The following RTF2 variants were observed in gnomAD, a reference collection of about 807,000 sequenced individuals.
The protein encoded by RTF2 is UPF0549 protein C20orf43.
RTF2 carries 18 observed loss-of-function variants against 38.0 expected under a neutral mutation model. That is an observed-to-expected ratio of 0.47 (90% CI 0.33 to 0.70). The LOEUF is 0.70. RTF2 is among the 30% of genes least tolerant of loss of function. The pLI is 0.02. For synonymous variants in RTF2, 126 were observed against 137.1 expected (o/e 0.92, Z 0.57); for missense variants, 311 against 379.6 (o/e 0.82, Z 1.50).
intron 5 of RTF2, among the ~76,000 whole-genome samples, chr20:56,502,954 A>G (rs553449599): frequency 1.1e-4 from 16 of 152,282 alleles, no homozygotes; most frequent in African/African-American, 3.1e-4. Context: ...GATGTGGTGT[A>G]TGGTAGTGTC....
chr20:56,506,754 G>A (rs1464011306), intron 5 of RTF2, among the ~76,000 whole-genome samples: 3 of 151,856 alleles, frequency 2.0e-5, no homozygotes, highest in Non-Finnish European at 4.4e-5. Context: ...AGGCTGGAGT[G>A]CAGTGGCACG....
intron 5 of RTF2, among the ~76,000 whole-genome samples, chr20:56,495,900 G>T (rs1224221982): frequency 6.6e-6 from 1 of 152,180 alleles, no homozygotes; most frequent in African/African-American, 2.4e-5. Flanking sequence ...CCCATCTGAA[G>T]TATCAGATTT....
At position 56,485,738 on chromosome 20, in the gene RTF2, G is replaced by A. The variant is rs142865698; in HGVS notation, c.477+1549G>A. Reference sequence around the variant, plus strand: ...GGAATTGGTTGATATTCAGCCAGAAGTATTTATTGTGGCTCCCGTATTAAG... The same window carrying A: ...GGAATTGGTTGATATTCAGCCAGAAATATTTATTGTGGCTCCCGTATTAAG... On this transcript the variant is annotated intron_variant, in intron 5 of 8. Coordinates refer to ENST00000357348, the MANE Select transcript of RTF2 (RefSeq NM_016407.5). 5.0e-3 allele frequency among the ~76,000 whole-genome samples: 761 copies of A among 152,334 alleles called. 4 individuals carry two copies. Among genetic ancestry groups the A allele is most frequent in the African/African-American group, 0.017 (724 of 41,566 alleles).
chr20:56,498,775 T>G (rs995200738), intron 5 of RTF2, among the ~76,000 whole-genome samples: 5 of 152,228 alleles, frequency 3.3e-5, no homozygotes, highest in African/African-American at 1.2e-4. Context: ...TGTTTATGAA[T>G]CTTGACTTGG....
At chr20:56,496,462 C>T (rs552067861) in intron 5 of RTF2, among the ~76,000 whole-genome samples, 2 of 152,276 alleles carry the variant, frequency 1.3e-5, no homozygotes, top group South Asian at 4.1e-4. Context: ...GTGGGAGAAT[C>T]GCGTGAACCC....
At chr20:56,516,678 G>T (rs1472594310) in intron 6 of RTF2, 15 of 524,834 alleles carry the variant, frequency 2.9e-5, no homozygotes, top group Non-Finnish European at 5.0e-5. Flanking sequence ...TGTGATTTGG[G>T]AGATGTAAAT....
intron 5 of RTF2, among the ~76,000 whole-genome samples, chr20:56,484,844 G>T (rs1455472557): frequency 2.0e-5 from 3 of 152,116 alleles, no homozygotes; most frequent in Admixed American, 1.3e-4. Flanking sequence ...CATCGAAAGC[G>T]TGCTGCTTCA....
In RTF2 at chr20:56,507,977, C is replaced by T. The variant is rs1259270886; in HGVS notation, c.478-5338C>T. On this transcript the variant is annotated intron_variant, in intron 5 of 8. Transcript: ENST00000357348. Reference sequence around the variant, plus strand: ...CTCCTCCTGTAGGCCCAGCTCTCTACAGTGATGGCTAAAAACAAGCTCCTT... The same window carrying T: ...CTCCTCCTGTAGGCCCAGCTCTCTATAGTGATGGCTAAAAACAAGCTCCTT... 2.0e-5 allele frequency among the ~76,000 whole-genome samples: 3 copies of T among 152,352 alleles called. No homozygotes were observed. In the East Asian group the frequency reaches 5.8e-4, roughly 29 times the overall value.
chr20:56,482,430 C>G (rs1450636731), intron 4 of RTF2, among the ~76,000 whole-genome samples: 1 of 152,198 alleles, frequency 6.6e-6, no homozygotes, highest in Admixed American at 6.5e-5. Flanking sequence ...TAAATGCATT[C>G]ATTTTTCCTC....
chr20:56,505,338 A>G (rs1456846145), intron 5 of RTF2, among the ~76,000 whole-genome samples: 1 of 151,902 alleles, frequency 6.6e-6, no homozygotes, highest in Non-Finnish European at 1.5e-5. Flanking sequence ...ATTCTTAAAA[A>G]TTAGCCGGAT....
intron 5 of RTF2, among the ~76,000 whole-genome samples, chr20:56,488,604 T>G (rs1481674380): frequency 6.6e-6 from 1 of 152,260 alleles, no homozygotes; most frequent in Non-Finnish European, 1.5e-5. Flanking sequence ...TCAGTGCAGC[T>G]GATTCTGGTT....
intron 6 of RTF2, chr20:56,516,448 C>A (rs1241070679): frequency 6.4e-6 from 1 of 155,450 alleles, no homozygotes; most frequent in East Asian, 1.9e-4. Flanking sequence ...ATATAAACTT[C>A]AAGGCCTTAC....
intron 2 of RTF2, 83 bp from the exon 3 acceptor site, chr20:56,474,595 T>C (rs1241507155): frequency 1.2e-6 from 1 of 802,702 alleles, no homozygotes; most frequent in African/African-American, 1.7e-5. Context: ...AAACGACTTT[T>C]GGATTGTGTT....
Position 56,511,120 on chromosome 20 carries a change from A to T in RTF2, c.478-2195A>T, listed in dbSNP as rs188624958. ...TTTACATGGTAAAACTTATTTTTTT[A>T]AAATAAGTTTTTAAAGTTTAAATAA... On this transcript the variant is annotated intron_variant, in intron 5 of 8. Transcript: ENST00000357348. 4.7e-3 allele frequency among the ~76,000 whole-genome samples: 723 copies of T among 152,258 alleles called. 5 individuals are homozygous for T. Among genetic ancestry groups the T allele is most frequent in the African/African-American group, 0.016 (680 of 41,538 alleles).
Position 56,519,196 on chromosome 20 carries a change from C to A in RTF2, c.*931C>A, listed in dbSNP as rs1466286053. 6.6e-6 allele frequency: 1 copy of A among 152,286 alleles called. No individual in the cohort carries two copies. 9.4% of individuals were successfully genotyped at this position (152,286 alleles called of 1,614,324 possible). ...AGTGACTGGTTCTCTATACAGACCCCGGGGCCCTGGGTTTCCTTCAGAAGC... is the reference window on the plus strand; with the variant it reads ...AGTGACTGGTTCTCTATACAGACCCAGGGGCCCTGGGTTTCCTTCAGAAGC... On this transcript the variant is annotated 3_prime_UTR_variant, in exon 9 of 9. Transcript: ENST00000357348.
chr20:56,511,440 A>ATTG (rs137937163), intron 5 of RTF2, among the ~76,000 whole-genome samples: 7,105 of 152,206 alleles, frequency 0.047, 478 homozygotes, highest in East Asian at 0.29. Flanking sequence ...CTATGGAAAG[A>ATTG]TTGTCTTCCA....
chr20:56,484,165 G>A lies in RTF2; in HGVS notation c.453G>A (p.Glu151=). The A allele has an allele frequency of 1.2e-6, 2 of 1,614,182 alleles. No individual in the cohort carries two copies. Among genetic ancestry groups the A allele is most frequent in the Non-Finnish European group, 1.7e-6 (2 of 1,180,012 alleles). The change falls in exon 5 of 9, where the codon GAG becomes GAA. Residue 151 remains glutamate, a synonymous_variant. Transcript: ENST00000357348. ...TGTTTTCTGAGCGAGCCTTGAAAGA[G>A]ATAAAAGCGGAAGTTTGCCACACGG... ...GCVFSERALK[E]IKAEVCHTCG...
chr20:56,495,609 A>C (rs1043019830), intron 5 of RTF2, among the ~76,000 whole-genome samples: 11 of 152,278 alleles, frequency 7.2e-5, no homozygotes, highest in African/African-American at 2.6e-4. Flanking sequence ...TGCTGTATGC[A>C]GAGTACTCTT....
intron 5 of RTF2, among the ~76,000 whole-genome samples, chr20:56,507,593 A>G (rs1028883536): frequency 3.9e-5 from 6 of 152,212 alleles, no homozygotes; most frequent in Non-Finnish European, 8.8e-5. Flanking sequence ...AATAAGGTCC[A>G]TGTCCTCTGA....
Sources: allele counts gnomAD v4.1 joint callset (sites outside exome capture counted in the v4.1 genomes callset), GRCh38; gene constraint gnomAD v4.1.1; transcripts MANE v1.5; gene names NCBI Gene and HGNC (gene_info 2026-07-23, HGNC 2026-07-21).